Variants in FRMPD2 observed in about 807,000 individuals in gnomAD.
The protein encoded by FRMPD2 is FERM and PDZ domain containing 2, also known as FERM and PDZ domain-containing protein 2.
FRMPD2 carries 96 observed loss-of-function variants against 140.1 expected under a neutral mutation model. The observed-to-expected ratio is 0.69, with a 90% CI of 0.58 to 0.81. FRMPD2 has a LOEUF of 0.81. Among genes scored for constraint, FRMPD2 ranks in the 40% least tolerant of loss-of-function variants. FRMPD2 has a pLI of 0.00. For missense variants in FRMPD2, 1,240 were observed against 1,447.4 expected (o/e 0.86, Z 2.32); for synonymous variants, 449 against 547.6 (o/e 0.82, Z 2.52).
At chr10:48,171,364 T>C (rs1283124189) in intron 25 of FRMPD2, among the ~76,000 whole-genome samples, 156 bp from the exon 26 acceptor site, 1 of 151,772 alleles carries the variant, frequency 6.6e-6, no homozygotes, top group Non-Finnish European at 1.5e-5. Flanking sequence ...ATGTATGTTA[T>C]AGATTAGTGC....
chr10:48,240,564 T>C, intron 5 of FRMPD2, 72 bp from the exon 6 acceptor site: 1 of 1,586,182 alleles, frequency 6.3e-7, no homozygotes, highest in South Asian at 1.1e-5. Context: ...ACATGCAAAC[T>C]GGCTGTCAGA....
intron 1 of FRMPD2, among the ~76,000 whole-genome samples, chr10:48,272,476 G>T (rs1255826772): frequency 6.6e-6 from 1 of 152,162 alleles, no homozygotes; most frequent in Non-Finnish European, 1.5e-5. Context: ...ACTGTTGTCT[G>T]TGCTTTGGAA....
At chr10:48,215,752 C>T (rs986588886) in intron 12 of FRMPD2, among the ~76,000 whole-genome samples, 2 of 152,180 alleles carry the variant, frequency 1.3e-5, no homozygotes, top group Admixed American at 6.5e-5. Context: ...TGAGATGACA[C>T]TAAGCCAGAA....
chr10:48,273,487 A>G (rs1476365700), intron 1 of FRMPD2, among the ~76,000 whole-genome samples: 2 of 152,048 alleles, frequency 1.3e-5, no homozygotes, highest in African/African-American at 4.8e-5. Flanking sequence ...TTACTTATTC[A>G]TGCCACTGGG....
intron 10 of FRMPD2, 126 bp downstream of exon 10, chr10:48,231,989 C>T (rs927391006): frequency 3.5e-5 from 27 of 773,740 alleles, no homozygotes; most frequent in Non-Finnish European, 5.8e-5. Flanking sequence ...TGACTAATGT[C>T]TAGGCATACA....
chr10:48,189,984 G>C (rs1199372208), intron 16 of FRMPD2, among the ~76,000 whole-genome samples: 1 of 152,144 alleles, frequency 6.6e-6, no homozygotes, highest in Non-Finnish European at 1.5e-5. Flanking sequence ...CTGAGGCCTG[G>C]GGTGTTGAAT....
At chr10:48,216,149 C>T (rs1229971627) in intron 12 of FRMPD2, among the ~76,000 whole-genome samples, 1 of 152,210 alleles carries the variant, frequency 6.6e-6, no homozygotes, top group Non-Finnish European at 1.5e-5. Flanking sequence ...CTGCTAACTA[C>T]ACAGCTTGAG....
chr10:48,270,171 C>T (rs1840742196), intron 1 of FRMPD2, among the ~76,000 whole-genome samples: 2 of 152,180 alleles, frequency 1.3e-5, no homozygotes, highest in South Asian at 4.2e-4. Context: ...AAAAACTGTC[C>T]ACTCCTGCCT....
rs1588846703 is a variant in FRMPD2 at position 48,236,838 on chromosome 10, C to G, written c.922-285G>C. 2.6e-5 allele frequency among the ~76,000 whole-genome samples: 4 copies of G among 151,818 alleles called. No individual in the cohort carries two copies. In the South Asian group the frequency reaches 8.4e-4, roughly 32 times the overall value. On this transcript the variant is annotated intron_variant, in intron 8 of 28. Coordinates refer to ENST00000374201, the MANE Select transcript of FRMPD2 (RefSeq NM_001018071.4). ...TAAGTTTCATAATTTACACAGAACT[C>G]CATCTTTTGTATGTATCAAAAGTAT...
chr10:48,201,521 G>A, intron 14 of FRMPD2, 137 bp from the exon 15 acceptor site: 1 of 625,110 alleles, frequency 1.6e-6, no homozygotes, highest in South Asian at 2.5e-5. Context: ...GATGCTGTCT[G>A]ACTATGGCCT....
chr10:48,203,814 T>C (rs75983412), intron 14 of FRMPD2, among the ~76,000 whole-genome samples: 6,794 of 152,252 alleles, frequency 0.045, 529 homozygotes, highest in African/African-American at 0.16. Flanking sequence ...GAAAGTAAGA[T>C]GTTTTCACCC....
At chr10:48,216,587 C>A (rs1278231603) in intron 12 of FRMPD2, among the ~76,000 whole-genome samples, 3 of 152,148 alleles carry the variant, frequency 2.0e-5, no homozygotes, top group African/African-American at 7.2e-5. Context: ...TGAAGGTTAG[C>A]AGTTGTGTCA....
Position 48,178,228 on chromosome 10 carries a change from G to T in FRMPD2, c.2791-77C>A, listed in dbSNP as rs868975788. 2.9e-5 allele frequency: 31 copies of T among 1,084,576 alleles called. No homozygotes were observed. The South Asian group carries it at 4.0e-4, about 14-fold the overall frequency. 67.2% of individuals were successfully genotyped at this position (1,084,576 alleles called of 1,614,324 possible). On this transcript the variant is annotated intron_variant, in intron 21 of 28. Coordinates refer to ENST00000374201, the MANE Select transcript of FRMPD2 (RefSeq NM_001018071.4). ...CTCTTAGCTCATACTGCTCTCAGGA[G>T]CAGGCAGCATTGCACCTCAGAAAGA...
rs1564433386 is a variant in FRMPD2, at chr10:48,232,193, C to T, written c.1090G>A (p.Val364Met). Reference protein sequence around the residue: ...LEVKCDVESTVGAVFNAVTSF... With the variant: ...LEVKCDVESTMGAVFNAVTSF... The stretch of plus-strand genomic sequence containing the variant: ...GTCACGGCATTGAAGACAGCTCCCA[C>T]TGTTGATTCAACATCACATTTTACC... Residue 364 changes from valine to methionine, a missense_variant, in exon 10 of 29, where the codon GTG becomes ATG. This residue lies in a region of FRMPD2 where 1,161 missense variants were observed against 1,055.9 expected (regional missense o/e 1.10). Transcript: ENST00000374201. 6.2e-7 allele frequency: 1 copy of T among 1,614,202 alleles called. No individual in the cohort carries two copies. Among genetic ancestry groups the T allele is most frequent in the South Asian group, 1.1e-5 (1 of 91,084 alleles).
rs1363835764 is a variant in FRMPD2 at position 48,229,846 on chromosome 10, A to G, written c.1168+2269T>C. ...TCTAAACGCATTTGCAATCAGCTAC[A>G]GTCCAAAAATTGCTTTTTCTTCAAG... On this transcript the variant is annotated intron_variant, in intron 10 of 28. Coordinates refer to ENST00000374201, the MANE Select transcript of FRMPD2 (RefSeq NM_001018071.4). 2.0e-5 allele frequency among the ~76,000 whole-genome samples: 3 copies of G among 152,154 alleles called. No individual in the cohort carries two copies. In the East Asian group the frequency reaches 5.8e-4, roughly 29 times the overall value.
intron 3 of FRMPD2, among the ~76,000 whole-genome samples, chr10:48,248,108 T>G (rs1320718319): frequency 6.6e-6 from 1 of 152,170 alleles, no homozygotes; most frequent in East Asian, 1.9e-4. Context: ...CATTCCAGAA[T>G]GCCTCCCGAG....
chr10:48,185,299 G>T (rs1280128529), intron 18 of FRMPD2, among the ~76,000 whole-genome samples: 3 of 152,058 alleles, frequency 2.0e-5, no homozygotes, highest in Non-Finnish European at 1.5e-5. Flanking sequence ...GTTGTTACAT[G>T]GTATTAGGGG....
intron 5 of FRMPD2, 122 bp from the exon 6 acceptor site, chr10:48,240,614 A>G: frequency 2.2e-6 from 3 of 1,357,522 alleles, no homozygotes; most frequent in East Asian, 4.7e-5. Flanking sequence ...ACGGTGACCT[A>G]AAGATGTGTT....
intron 12 of FRMPD2, among the ~76,000 whole-genome samples, chr10:48,221,969 G>C (rs991112751): frequency 3.4e-5 from 5 of 147,330 alleles, no homozygotes; most frequent in African/African-American, 1.3e-4. Context: ...TGGGTGGATG[G>C]ATGGATGGTT....
Sources: allele counts gnomAD v4.1 joint callset (sites outside exome capture counted in the v4.1 genomes callset), GRCh38; gene constraint gnomAD v4.1.1; regional missense constraint gnomAD v4.1.1; transcripts MANE v1.5; gene names NCBI Gene and HGNC (gene_info 2026-07-23, HGNC 2026-07-21).